The following PIEZO1 variants were observed in gnomAD, a reference collection of about 807,000 sequenced individuals.
PIEZO1 encodes the protein piezo type mechanosensitive ion channel component 1 (Er blood group), also known as piezo-type mechanosensitive ion channel component 1.
In PIEZO1, 296 loss-of-function variants were observed where a neutral mutation model predicts 297.2. The observed-to-expected ratio is 1.00, with a 90% CI of 0.91 to 1.10. The LOEUF (loss-of-function observed/expected upper bound fraction) is 1.10. Ranked by LOEUF, PIEZO1 falls within the 50% of genes least tolerant of loss-of-function variation. The pLI is 0.00. For synonymous variants in PIEZO1, 2,427 were observed against 1,507.5 expected (o/e 1.61, Z -14.13); for missense variants, 5,018 against 3,455.5 (o/e 1.45, Z -11.34).
At chr16:88,719,766 G>C in intron 43 of PIEZO1, 36 bp downstream of exon 43, 3 of 1,550,242 alleles carry the variant, frequency 1.9e-6, no homozygotes, top group Non-Finnish European at 2.6e-6. Flanking sequence ...CCTCATGCCC[G>C]GGCCGTGACC....
rs1912043688 is a variant in PIEZO1, at chr16:88,716,497, C to A, written c.6927-14G>T. On this transcript the variant is annotated splice_polypyrimidine_tract_variant and intron_variant, in intron 47 of 50. Transcript: ENST00000301015. ...TTCGCCAGGTCCCTGGGGGTGGGAA[C>A]ACAGCGTGACCCACTGTAGTGGGTC... The A allele has an allele frequency of 1.3e-6, 2 of 1,542,058 alleles. No individual in the cohort carries two copies. The highest frequency in any genetic ancestry group is 2.7e-5 in the African/African-American group (2 of 72,960).
chr16:88,724,041 C>T (rs1904306460), intron 30 of PIEZO1, 70 bp from the exon 31 acceptor site: 2 of 969,346 alleles, frequency 2.1e-6, no homozygotes. Flanking sequence ...CCTCCGCCTG[C>T]ATGGGCCAAG....
Position 88,733,991 on chromosome 16 carries a change from CTG to C in PIEZO1, c.2242_2243del (p.Gln748AlafsTer28), listed in dbSNP as rs1905047775. 3 of 1,520,258 alleles carry C rather than the reference CTG, an allele frequency of 2.0e-6. No individual in the cohort carries two copies. The African/African-American group carries it at 4.4e-5, about 22-fold the overall frequency. The allele number at this position is 1,520,258 out of a possible 1,614,324, so 94.2% of individuals were successfully genotyped here. On this transcript the variant is annotated frameshift_variant, in exon 17 of 51. Coordinates refer to ENST00000301015, the MANE Select transcript of PIEZO1 (RefSeq NM_001142864.4). LOFTEE classifies it high-confidence loss of function. ...CCTCCTCCTCCTCCTCCTCCTCCTG[CTG>C]CTGCTGCTGATGCTCCTGCTGCTCC... is the stretch of plus-strand genomic sequence containing the variant. ...REEQQEHQQQ[Q>X]QEEEEEEEDS...
At chr16:88,758,783 A>G (rs1455009658) in intron 1 of PIEZO1, among the ~76,000 whole-genome samples, 1 of 152,234 alleles carries the variant, frequency 6.6e-6, no homozygotes, top group Admixed American at 6.5e-5. Flanking sequence ...TCTATAAATC[A>G]AGAACCATAA....
At chr16:88,754,211 C>T (rs527998219) in intron 1 of PIEZO1, among the ~76,000 whole-genome samples, 36 of 152,332 alleles carry the variant, frequency 2.4e-4, no homozygotes, top group African/African-American at 8.4e-4. Flanking sequence ...GGAGCACAGT[C>T]AGGAGGGGAG....
chr16:88,765,740 T>A (rs548107760), intron 1 of PIEZO1, among the ~76,000 whole-genome samples: 1 of 148,628 alleles, frequency 6.7e-6, no homozygotes, highest in African/African-American at 2.5e-5. Context: ...AGTGGCACAA[T>A]CTCGCGCACT....
In PIEZO1 at chr16:88,716,746, CA is replaced by C; in HGVS notation, c.6754-16del. On this transcript the variant is annotated splice_polypyrimidine_tract_variant and intron_variant, in intron 46 of 50. Coordinates refer to ENST00000301015, the MANE Select transcript of PIEZO1 (RefSeq NM_001142864.4). ...TGCATGGCCAGCTGGGTACAAGTGA[CA>C]CCCTCAGTGACTGCAGCCGCCTCCC... 1 of 1,548,350 alleles carries C rather than the reference CA, an allele frequency of 6.5e-7. No individual in the cohort carries two copies.
chr16:88,775,858 T>C (rs1205060822), intron 1 of PIEZO1, among the ~76,000 whole-genome samples: 1 of 151,822 alleles, frequency 6.6e-6, no homozygotes, highest in Non-Finnish European at 1.5e-5. Context: ...AAAGACCCCA[T>C]TGTTTAAACA....
rs1005770605 is a variant in PIEZO1, at chr16:88,751,648, G to T, written c.65-2169C>A. On this transcript the variant is annotated intron_variant, in intron 1 of 50. Transcript: ENST00000301015. ...TCGGCTCCATGCTTTTAAATCTAAA[G>T]TTTTTTGACGATTATACATTTTCAT... Among the ~76,000 whole-genome samples the T allele has an allele frequency of 2.0e-5, 3 of 151,078 alleles. No individual in the cohort carries two copies. The South Asian group carries it at 6.3e-4, about 32-fold the overall frequency.
chr16:88,776,742 G>C lies in PIEZO1; in HGVS notation c.64+8159C>G, dbSNP rs538404773. 3.1e-3 allele frequency among the ~76,000 whole-genome samples: 468 copies of C among 152,344 alleles called. 2 individuals are homozygous for C. Among genetic ancestry groups the C allele is most frequent in the African/African-American group, 0.011 (445 of 41,590 alleles). On this transcript the variant is annotated intron_variant, in intron 1 of 50. Coordinates refer to ENST00000301015, the MANE Select transcript of PIEZO1 (RefSeq NM_001142864.4). The stretch of plus-strand genomic sequence containing the variant: ...CCAGGGCTTGGGGACAGGACTGTGG[G>C]GCTGGACCCTGGCTCGGGGCGGGCC...
chr16:88,739,418 G>T (rs7186871), intron 5 of PIEZO1: 65,113 of 152,186 alleles, frequency 0.43, 14,782 homozygotes, highest in Middle Eastern at 0.6. Flanking sequence ...CACGGCTGTC[G>T]TCAGATGCCC....
chr16:88,751,703 C>A lies in PIEZO1; in HGVS notation c.65-2224G>T, dbSNP rs116860507. Among the ~76,000 whole-genome samples the A allele has an allele frequency of 5.4e-3, 826 of 152,142 alleles. 15 individuals are homozygous for A. The highest frequency in any genetic ancestry group is 3.3e-3 in the Non-Finnish European group (225 of 67,982). On this transcript the variant is annotated intron_variant, in intron 1 of 50. Transcript: ENST00000301015. ...AAAAAAAAAAATCCCTAAGATCTGG[C>A]CCAAGAGGCAGGAGGAAAATGCATT... is the stretch of plus-strand genomic sequence containing the variant.
At position 88,737,493 on chromosome 16, in the gene PIEZO1, G is replaced by C. The variant is rs1008467334; in HGVS notation, c.1195+66C>G. Reference sequence around the variant, plus strand: ...ATGCGAGAGCGCCAGGCGGCCACCAGGGGGCAGCACCGGCCTCCGCCCCGC... The same window carrying C: ...ATGCGAGAGCGCCAGGCGGCCACCACGGGGCAGCACCGGCCTCCGCCCCGC... On this transcript the variant is annotated intron_variant, in intron 10 of 50. Coordinates refer to ENST00000301015, the MANE Select transcript of PIEZO1 (RefSeq NM_001142864.4). 4 of 1,161,384 alleles carry C rather than the reference G, an allele frequency of 3.4e-6. No homozygotes were observed. The Admixed American group carries it at 7.2e-5, about 21-fold the overall frequency. The allele number at this position is 1,161,384 out of a possible 1,614,324, so 71.9% of individuals were successfully genotyped here.
In PIEZO1 at chr16:88,735,063, A is replaced by T. The variant is rs982556719; in HGVS notation, c.1670-10T>A. The T allele has an allele frequency of 1.9e-6, 3 of 1,550,108 alleles. No homozygotes were observed. The Admixed American group carries it at 5.9e-5, about 30-fold the overall frequency. On this transcript the variant is annotated splice_polypyrimidine_tract_variant and intron_variant, in intron 13 of 50. Transcript: ENST00000301015. ...TGCGTCCGCGTGGGCTCTGTGGGCC[A>T]AGCCAGGGGCAGGCGATGGCATCAG...
In PIEZO1 at chr16:88,722,059, G is replaced by C; in HGVS notation, c.4963C>G (p.Arg1655Gly). 6.5e-7 allele frequency: 1 copy of C among 1,545,044 alleles called. No individual in the cohort carries two copies. Among genetic ancestry groups the C allele is most frequent in the Non-Finnish European group, 8.7e-7 (1 of 1,145,046 alleles). ...ASELLLDRRL[R>G]IPELEEAELF... ...TCTGCCTCCTCCAGCTCTGGGATGCGCAGGCGCCTACAGGGAGACCCGCGT... is the reference window on the plus strand; with the variant it reads ...TCTGCCTCCTCCAGCTCTGGGATGCCCAGGCGCCTACAGGGAGACCCGCGT... Residue 1655 changes from arginine (R) to glycine (G), a missense_variant, in exon 37 of 51, where the codon CGC (arginine) becomes GGC (glycine). Arg to Gly is a moderately radical substitution (Grantham distance 125). Transcript: ENST00000301015.
chr16:88,723,093 A>AC lies in PIEZO1; in HGVS notation c.4495+1dup. On this transcript the variant is annotated splice_donor_variant, in intron 33 of 50. Coordinates refer to ENST00000301015, the MANE Select transcript of PIEZO1 (RefSeq NM_001142864.4). LOFTEE classifies it high-confidence loss of function. ...CCACTCCCCAGCCCCGGGCCCACGT[A>AC]CCTGCCGCTGCCTCCTCGGGGCCCT... The AC allele has an allele frequency of 6.5e-7, 1 of 1,547,278 alleles. No individual in the cohort carries two copies. The highest frequency in any genetic ancestry group is 8.7e-7 in the Non-Finnish European group (1 of 1,146,542).
rs1024868524 is a variant in PIEZO1, at chr16:88,720,424, GACA to G, written c.5907_5909del (p.Val1970del). On this transcript the variant is annotated inframe_deletion, in exon 41 of 51. Coordinates refer to ENST00000301015, the MANE Select transcript of PIEZO1 (RefSeq NM_001142864.4). Reference sequence around the variant, plus strand: ...AGCCAAAAATGATGATGATGAAGTCGACAACATCAGCCAGGAACATGAGGGCAT... The same window carrying G: ...AGCCAAAAATGATGATGATGAAGTCGACATCAGCCAGGAACATGAGGGCAT... 5.2e-6 allele frequency: 8 copies of G among 1,550,292 alleles called. No homozygotes were observed. The highest frequency in any genetic ancestry group is 1.4e-5 in the African/African-American group (1 of 73,016).
Position 88,721,206 on chromosome 16 carries a change from CCTT to C in PIEZO1, c.5625_5627del (p.Arg1876del), listed in dbSNP as rs1337969729. 22 of 1,525,902 alleles carry C rather than the reference CCTT, an allele frequency of 1.4e-5. 1 individual carries two copies. The highest frequency in any genetic ancestry group is 4.9e-5 in the East Asian group (2 of 40,688). 94.5% of individuals were successfully genotyped at this position (1,525,902 alleles called of 1,614,324 possible). On this transcript the variant is annotated inframe_deletion, in exon 39 of 51. Transcript: ENST00000301015. ...CTTTCCGTGCTGGGCCCTCCTTCTTCCTTCTTCTAAAACGTAGACTGATGCGCC... is the reference window on the plus strand; with the variant it reads ...CTTTCCGTGCTGGGCCCTCCTTCTTCCTTCTAAAACGTAGACTGATGCGCC...
chr16:88,743,394 C>G (rs540862518), intron 2 of PIEZO1: 2 of 447,642 alleles, frequency 4.5e-6, no homozygotes, highest in Non-Finnish European at 9.1e-6. Flanking sequence ...GGCCCTCACC[C>G]TGGGGCAGCA....
Sources: gnomAD v4.1 joint callset for allele counts (sites outside exome capture counted in the v4.1 genomes callset) on GRCh38, gnomAD v4.1.1 for gene constraint, MANE v1.5 for transcripts, NCBI Gene and HGNC (gene_info 2026-07-23, HGNC 2026-07-21) for gene names.